Variants in ABLIM2 observed in about 807,000 individuals in gnomAD.
ABLIM2 encodes actin-binding LIM protein 2.
ABLIM2 carries 53 observed loss-of-function variants against 97.7 expected under a neutral mutation model. That is an observed-to-expected ratio of 0.54 (90% CI 0.44 to 0.68). The LOEUF is 0.68. Among genes scored for constraint, ABLIM2 ranks in the 30% least tolerant of loss-of-function variants. The pLI is 0.00. For synonymous variants in ABLIM2, 361 were observed against 345.8 expected, an observed-to-expected ratio of 1.04 and a Z score of -0.49; for missense variants, 835 against 867.2, an observed-to-expected ratio of 0.96 and a Z score of 0.47.
rs1256273763 is a variant in ABLIM2 at position 8,128,855 on chromosome 4, A to G, written c.11-22218T>C. On this transcript the variant is annotated intron_variant, in intron 1 of 20. Transcript: ENST00000447017. The surrounding 1 kb of genome is among the most constrained non-coding windows in gnomAD (Gnocchi z 4.9). ...TCTACCACATGAGGGTGCGAGGAAA[A>G]GGCGGCTGTCTGCAGCTCAGAAGAG... 6.6e-6 allele frequency among the ~76,000 whole-genome samples: 1 copy of G among 152,088 alleles called. No homozygotes were observed. The highest frequency in any genetic ancestry group is 1.5e-5 in the Non-Finnish European group (1 of 68,014).
chr4:8,089,581 A>G (rs1825916109), intron 3 of ABLIM2, among the ~76,000 whole-genome samples: 1 of 152,006 alleles, frequency 6.6e-6, no homozygotes, highest in South Asian at 2.1e-4. Flanking sequence ...CTAAAAACAC[A>G]AAAATTAGCC....
chr4:8,100,260 C>A (rs112876850), intron 2 of ABLIM2, among the ~76,000 whole-genome samples: 5 of 152,186 alleles, frequency 3.3e-5, no homozygotes, highest in African/African-American at 1.2e-4. Context: ...ATGTTCCCTG[C>A]ATTATGGGTA....
rs1392285794 is a variant in ABLIM2, at chr4:8,032,601, G to A, written c.1048-2825C>T. On this transcript the variant is annotated intron_variant, in intron 10 of 20. Transcript: ENST00000447017. This position sits in a 1 kb window ranked among gnomAD's most constrained non-coding sequence, Gnocchi z 4.3. The stretch of plus-strand genomic sequence containing the variant: ...CTGGGTGGTTATGTTTATAACCCAG[G>A]CAGCAGCGCCACGGCAAGCGGGGAC... 6.8e-6 allele frequency: 11 copies of A among 1,611,248 alleles called. No individual in the cohort carries two copies. In the African/African-American group the frequency reaches 1.1e-4, roughly 16 times the overall value.
intron 1 of ABLIM2, among the ~76,000 whole-genome samples, chr4:8,107,460 C>T (rs1033592127): frequency 6.6e-6 from 1 of 152,244 alleles, no homozygotes; most frequent in African/African-American, 2.4e-5. Context: ...GAGCTGGCAT[C>T]GCTTTGAAGC....
chr4:8,063,108 C>T, intron 6 of ABLIM2, among the ~76,000 whole-genome samples: 1 of 152,198 alleles, frequency 6.6e-6, no homozygotes. Flanking sequence ...CTCTGTTGCC[C>T]AGGCTGGAGT....
At chr4:7,974,251 T>A (rs1226825656) in intron 20 of ABLIM2, among the ~76,000 whole-genome samples, 2 of 123,362 alleles carry the variant, frequency 1.6e-5, no homozygotes, top group Admixed American at 7.9e-5. Context: ...ATCCATCCAT[T>A]CACCTATCCA....
At chr4:7,985,771 G>A (rs986705934) in intron 17 of ABLIM2, among the ~76,000 whole-genome samples, 1 of 152,200 alleles carries the variant, frequency 6.6e-6, no homozygotes, top group Admixed American at 6.5e-5. Flanking sequence ...TCAGGTGCCC[G>A]TGGCATTCAT....
chr4:8,025,878 TCACC>T (rs557292759), intron 12 of ABLIM2, among the ~76,000 whole-genome samples: 208 of 152,292 alleles, frequency 1.4e-3, no homozygotes, highest in African/African-American at 4.8e-3. Flanking sequence ...CTGCCGTGAC[TCACC>T]CAAATGGTTG....
At chr4:8,045,662 GAATA>G (rs1303341832) in intron 8 of ABLIM2, among the ~76,000 whole-genome samples, 211 of 152,110 alleles carry the variant, frequency 1.4e-3, no homozygotes, top group African/African-American at 4.8e-3. Flanking sequence ...ATGAATGAAT[GAATA>G]AATAAATAAA....
At chr4:8,152,257 T>C (rs76633361) in intron 1 of ABLIM2, among the ~76,000 whole-genome samples, 5,747 of 152,316 alleles carry the variant, frequency 0.038, 166 homozygotes, top group Middle Eastern at 0.061. Context: ...AGCGCCCGCC[T>C]AGCCAGGGAT....
rs533622341 is a variant in ABLIM2 at position 8,072,751 on chromosome 4, G to A, written c.675+4877C>T. Among the ~76,000 whole-genome samples, 28 of 152,312 alleles carry A rather than the reference G, an allele frequency of 1.8e-4. No homozygotes were observed. Among genetic ancestry groups the A allele is most frequent in the Admixed American group, 1.1e-3 (17 of 15,296 alleles). ...TGGTGGGAGGCAGTGTGTATGTGGC[G>A]GAGGGAGAGTGCCTGCATGTGGTGT... is the stretch of plus-strand genomic sequence containing the variant. On this transcript the variant is annotated intron_variant, in intron 6 of 20. Coordinates refer to ENST00000447017, the MANE Select transcript of ABLIM2 (RefSeq NM_001130083.2). The surrounding 1 kb of genome is among the most constrained non-coding windows in gnomAD (Gnocchi z 5.8).
chr4:8,045,444 T>A (rs9799373), intron 8 of ABLIM2, among the ~76,000 whole-genome samples: 36,557 of 151,926 alleles, frequency 0.24, 4,766 homozygotes, highest in East Asian at 0.5. Flanking sequence ...AGGTCAGGAG[T>A]TCGAGATCAG....
intron 20 of ABLIM2, among the ~76,000 whole-genome samples, chr4:7,979,532 GGCAGCTGTAACCTAA>G (rs1255923276): frequency 6.6e-6 from 1 of 152,244 alleles, no homozygotes; most frequent in Non-Finnish European, 1.5e-5. Context: ...TCATGTGACA[GGCAGCTGTAACCTAA>G]GCAGCTGTCA....
intron 2 of ABLIM2, among the ~76,000 whole-genome samples, chr4:8,104,226 C>T (rs55750784): frequency 0.019 from 2,913 of 152,330 alleles, 78 homozygotes; most frequent in African/African-American, 0.062. Context: ...GCCGGCCACA[C>T]TCACACCCAC....
chr4:7,980,760 A>G (rs2149602455), intron 20 of ABLIM2, among the ~76,000 whole-genome samples: 1 of 150,612 alleles, frequency 6.6e-6, no homozygotes, highest in South Asian at 2.1e-4. Flanking sequence ...CTTGTGGGGG[A>G]AATTTACATT....
Position 8,075,225 on chromosome 4 carries a change from G to A in ABLIM2, c.675+2403C>T, listed in dbSNP as rs73216485. Among the ~76,000 whole-genome samples the A allele has an allele frequency of 8.8e-3, 1,317 of 149,022 alleles. 9 individuals are homozygous for A. Among genetic ancestry groups the A allele is most frequent in the South Asian group, 0.016 (75 of 4,632 alleles). On this transcript the variant is annotated intron_variant, in intron 6 of 20. Coordinates refer to ENST00000447017, the MANE Select transcript of ABLIM2 (RefSeq NM_001130083.2). This position sits in a 1 kb window ranked among gnomAD's most constrained non-coding sequence, Gnocchi z 4.4. The stretch of plus-strand genomic sequence containing the variant: ...TTTCATGATTCCATTCATATGAAAC[G>A]TCCAGAAGAGAAGTCTATGGAGACA...
rs536325745 is a variant in ABLIM2 at position 8,014,593 on chromosome 4, G to A, written c.1423+5025C>T. Among the ~76,000 whole-genome samples the A allele has an allele frequency of 5.3e-5, 8 of 152,334 alleles. No homozygotes were observed. In the East Asian group the frequency reaches 5.8e-4, roughly 11 times the overall value. On this transcript the variant is annotated intron_variant, in intron 14 of 20. Coordinates refer to ENST00000447017, the MANE Select transcript of ABLIM2 (RefSeq NM_001130083.2). The stretch of plus-strand genomic sequence containing the variant: ...CACCTGTCTGGCCGTGGGCAAATCC[G>A]CTAGAATCTCAGCTCCACAGGATCG...
chr4:8,098,253 G>A (rs1354978018), intron 2 of ABLIM2, among the ~76,000 whole-genome samples: 1 of 152,188 alleles, frequency 6.6e-6, no homozygotes, highest in African/African-American at 2.4e-5. Flanking sequence ...CCTGCCTGCT[G>A]GGTCAATGCA....
chr4:8,131,879 C>A (rs1849477055), intron 1 of ABLIM2, among the ~76,000 whole-genome samples: 1 of 150,252 alleles, frequency 6.7e-6, no homozygotes, highest in African/African-American at 2.5e-5. Flanking sequence ...TGCACAGCAG[C>A]CCGCATCCCC....
Sources: gnomAD v4.1 joint callset for allele counts (sites outside exome capture counted in the v4.1 genomes callset) on GRCh38, gnomAD v4.1.1 for gene constraint, Gnocchi (gnomAD v3.1) non-coding constraint, MANE v1.5 for transcripts, NCBI Gene and HGNC (gene_info 2026-07-23, HGNC 2026-07-21) for gene names.